TANC2: variants seen among roughly 807,000 people sequenced by gnomAD.
TANC2 encodes the protein protein TANC2.
In TANC2, 26 loss-of-function variants were observed where a neutral mutation model predicts 210.5. That is an observed-to-expected ratio of 0.12 (90% CI 0.09 to 0.17). The LOEUF is 0.17. Among genes scored for constraint, TANC2 ranks in the 10% least tolerant of loss-of-function variants. TANC2 has a pLI of 1.00. For synonymous variants in TANC2, 931 were observed against 967.1 expected, an observed-to-expected ratio of 0.96 and a Z score of 0.69; for missense variants, 2,129 against 2,608.9, an observed-to-expected ratio of 0.82 and a Z score of 4.01.
exon 14 of TANC2, chr17:63,354,902 C>G: frequency 6.2e-7 from 1 of 1,613,806 alleles, no homozygotes; most frequent in Non-Finnish European, 8.5e-7. Context: ...GCTCAGAGAT[C>G]CAGAATAACA....
chr17:63,203,105 A>G (rs757043198), intron 7 of TANC2, among the ~76,000 whole-genome samples: 41 of 152,138 alleles, frequency 2.7e-4, no homozygotes, highest in Non-Finnish European at 5.4e-4. Flanking sequence ...AACTTCATGA[A>G]ATACTCCCAG....
intron 4 of TANC2, among the ~76,000 whole-genome samples, chr17:63,103,908 GAGGT>G (rs1472192565): frequency 1.3e-5 from 2 of 152,222 alleles, no homozygotes; most frequent in Non-Finnish European, 2.9e-5. Context: ...AGTTCATAGA[GAGGT>G]AAATGTCTTG....
intron 14 of TANC2, among the ~76,000 whole-genome samples, chr17:63,359,165 G>A (rs1656617391): frequency 6.6e-6 from 1 of 152,006 alleles, no homozygotes; most frequent in African/African-American, 2.4e-5. Flanking sequence ...CTGGGCTCTG[G>A]CAATCCTCCT....
chr17:63,410,067 A>G (rs1374075923), intron 21 of TANC2, among the ~76,000 whole-genome samples: 1 of 152,206 alleles, frequency 6.6e-6, no homozygotes, highest in African/African-American at 2.4e-5. Flanking sequence ...CAGATGAGGG[A>G]TACTCAAGCT....
In TANC2 at chr17:63,221,639, T is replaced by C. The variant is rs144824079; in HGVS notation, c.770-16175T>C. ...CAGATACTTCACAGATGAAAGCATA[T>C]GAATAACAAGAGATAGATGTTCAAT... On this transcript the variant is annotated intron_variant, in intron 7 of 27. Transcript: ENST00000689528. 4.6e-5 allele frequency among the ~76,000 whole-genome samples: 7 copies of C among 152,224 alleles called. No individual in the cohort carries two copies. The East Asian group carries it at 1.4e-3, about 29-fold the overall frequency.
intron 9 of TANC2, among the ~76,000 whole-genome samples, chr17:63,279,800 T>C (rs1214568269): frequency 6.6e-6 from 1 of 152,124 alleles, no homozygotes; most frequent in Non-Finnish European, 1.5e-5. Flanking sequence ...CATTTTTAAC[T>C]TTTATTCCCC....
At chr17:63,026,971 G>C (rs1463734721) in intron 2 of TANC2, among the ~76,000 whole-genome samples, 4 of 152,088 alleles carry the variant, frequency 2.6e-5, no homozygotes, top group Admixed American at 6.6e-5. Flanking sequence ...GCTATGTAAG[G>C]CTTATGCAGT....
At chr17:63,206,294 G>T (rs1008886944) in intron 7 of TANC2, among the ~76,000 whole-genome samples, 5 of 152,190 alleles carry the variant, frequency 3.3e-5, no homozygotes, top group African/African-American at 1.2e-4. Flanking sequence ...GAGTATGGCA[G>T]TTCTCCAAAA....
chr17:63,315,330 G>A (rs2045280713), intron 10 of TANC2, among the ~76,000 whole-genome samples: 1 of 152,148 alleles, frequency 6.6e-6, no homozygotes, highest in South Asian at 2.1e-4. Context: ...AGCTCAATGA[G>A]GTTGTCTTCA....
intron 2 of TANC2, among the ~76,000 whole-genome samples, chr17:63,069,301 G>A (rs539819314): frequency 1.3e-5 from 2 of 152,246 alleles, no homozygotes; most frequent in African/African-American, 2.4e-5. Flanking sequence ...GTGGTAGGCA[G>A]TCCTGTGAAT....
intron 3 of TANC2, among the ~76,000 whole-genome samples, chr17:63,083,679 G>C (rs188395400): frequency 6.6e-6 from 1 of 152,256 alleles, no homozygotes; most frequent in Admixed American, 6.5e-5. Flanking sequence ...GATAATATTT[G>C]TTTTCAGTCT....
intron 19 of TANC2, among the ~76,000 whole-genome samples, chr17:63,402,855 C>T (rs939978138): frequency 2.6e-5 from 4 of 152,288 alleles, no homozygotes; most frequent in Admixed American, 1.3e-4. Flanking sequence ...TAACAGTTTT[C>T]GATAAATCTC....
intron 7 of TANC2, among the ~76,000 whole-genome samples, chr17:63,231,467 C>CCTG (rs754710674): frequency 1.3e-5 from 2 of 152,156 alleles, no homozygotes; most frequent in Non-Finnish European, 2.9e-5. Flanking sequence ...GTGACAAATT[C>CCTG]CTGCAGCATT....
intron 14 of TANC2, 85 bp downstream of exon 14, chr17:63,355,475 T>C: frequency 2.2e-6 from 3 of 1,351,054 alleles, no homozygotes; most frequent in Non-Finnish European, 2.9e-6. Flanking sequence ...AGAAGTGTTC[T>C]TCATTGAACA....
At chr17:63,303,880 G>A (rs1190109276) in intron 9 of TANC2, among the ~76,000 whole-genome samples, 2 of 151,490 alleles carry the variant, frequency 1.3e-5, no homozygotes, top group South Asian at 4.2e-4. Context: ...GGTCGATTCA[G>A]TTATTGATTC....
chr17:63,336,817 C>T (rs1039888119), intron 11 of TANC2, among the ~76,000 whole-genome samples: 3 of 152,148 alleles, frequency 2.0e-5, no homozygotes, highest in African/African-American at 7.2e-5. Context: ...GACAAGAATT[C>T]GCCAAGGAGA....
chr17:63,080,132 T>G (rs568389703), intron 3 of TANC2, among the ~76,000 whole-genome samples: 1 of 152,360 alleles, frequency 6.6e-6, no homozygotes, highest in Admixed American at 6.5e-5. Flanking sequence ...TAGCAGGGTC[T>G]TTGCATACAG....
chr17:63,238,048 A>G lies in TANC2; in HGVS notation c.1004A>G (p.Tyr335Cys), dbSNP rs2146055122. Residue 335 changes from tyrosine (Y) to cysteine (C), a missense_variant, in exon 8 of 28, where the codon TAT becomes TGT. By Grantham distance (194) the Tyr-to-Cys change is radical. Transcript: ENST00000689528. ...CAATCAGTACAGTCTATTCCTTTGT[A>G]TCTCATGCCACGGCCAAATTCAGTA... The G allele has an allele frequency of 6.5e-7, 1 of 1,542,102 alleles. No homozygotes were observed. The highest frequency in any genetic ancestry group is 8.7e-7 in the Non-Finnish European group (1 of 1,143,988).
intron 3 of TANC2, among the ~76,000 whole-genome samples, chr17:63,083,380 G>T (rs370151713): frequency 1.1e-4 from 16 of 152,248 alleles, no homozygotes; most frequent in African/African-American, 3.6e-4. Flanking sequence ...GACTTCAGGT[G>T]CTTGCCCAGT....
Sources: allele counts gnomAD v4.1 joint callset (sites outside exome capture counted in the v4.1 genomes callset), GRCh38; gene constraint gnomAD v4.1.1; transcripts MANE v1.5; gene names NCBI Gene and HGNC (gene_info 2026-07-23, HGNC 2026-07-21).